The following TMEM132D variants were observed in gnomAD, a reference collection of about 807,000 sequenced individuals.
TMEM132D encodes transmembrane protein 132D, also known as mature OL transmembrane protein.
In TMEM132D, 21 loss-of-function variants were observed where a neutral mutation model predicts 62.3. The ratio of observed to expected loss-of-function variants is 0.34; its 90% CI spans 0.24 to 0.49. The LOEUF (loss-of-function observed/expected upper bound fraction) is 0.49. Among genes scored for constraint, TMEM132D ranks in the 20% least tolerant of loss-of-function variants. TMEM132D has a pLI of 0.99. For synonymous variants in TMEM132D, 621 were observed against 575.6 expected (o/e 1.08, Z -1.13); for missense variants, 1,346 against 1,402.8 (o/e 0.96, Z 0.65).
intron 3 of TMEM132D, among the ~76,000 whole-genome samples, chr12:129,474,788 T>C (rs7966264): frequency 2.0e-3 from 309 of 152,320 alleles, no homozygotes; most frequent in African/African-American, 7.1e-3. Flanking sequence ...TTCTGGTCTC[T>C]GATCATGATG....
At chr12:129,485,346 A>G (rs1388621117) in intron 3 of TMEM132D, among the ~76,000 whole-genome samples, 1 of 152,174 alleles carries the variant, frequency 6.6e-6, no homozygotes, top group East Asian at 1.9e-4. Context: ...CAGCCTGCCC[A>G]TGGATGAGCA....
At chr12:129,199,422 T>G (rs2135560368) in intron 5 of TMEM132D, among the ~76,000 whole-genome samples, 1 of 152,272 alleles carries the variant, frequency 6.6e-6, no homozygotes, top group Middle Eastern at 3.4e-3. Flanking sequence ...ACTTTTAATC[T>G]GCATCAGGAG....
chr12:129,707,166 T>A (rs905722726), intron 1 of TMEM132D, among the ~76,000 whole-genome samples: 1 of 147,976 alleles, frequency 6.8e-6, no homozygotes, highest in Non-Finnish European at 1.5e-5. Context: ...TATATATATA[T>A]AATATATACT....
chr12:129,336,305 C>G (rs545723948), intron 4 of TMEM132D, among the ~76,000 whole-genome samples: 6 of 152,094 alleles, frequency 3.9e-5, no homozygotes, highest in Non-Finnish European at 8.8e-5. Context: ...GGGCTGGGCA[C>G]GGTGGCTCAC....
intron 2 of TMEM132D, among the ~76,000 whole-genome samples, chr12:129,598,863 G>A (rs187934766): frequency 4.6e-5 from 7 of 152,310 alleles, no homozygotes; most frequent in Admixed American, 3.9e-4. Context: ...GGATGAGTGG[G>A]TTGATTCTAT....
At position 129,718,562 on chromosome 12, in the gene TMEM132D, T is replaced by C. The variant is rs78793073; in HGVS notation, c.80-17864A>G. Among the ~76,000 whole-genome samples, 906 of 152,358 alleles carry C rather than the reference T, an allele frequency of 5.9e-3. 15 individuals carry two copies. The highest frequency in any genetic ancestry group is 0.02 in the African/African-American group (845 of 41,584). ...AAATTGGTTTACTTATGAAGGCCTT[T>C]TATGGAGAAAGTGGGGAGAAAAAGG... On this transcript the variant is annotated intron_variant, in intron 1 of 8. Transcript: ENST00000422113.
At chr12:129,886,161 C>A (rs1347828782) in intron 1 of TMEM132D, among the ~76,000 whole-genome samples, 1 of 152,034 alleles carries the variant, frequency 6.6e-6, no homozygotes, top group Non-Finnish European at 1.5e-5. Flanking sequence ...TAATAAATAC[C>A]TTTTAAGATA....
At chr12:129,482,095 G>A (rs1874445413) in intron 3 of TMEM132D, among the ~76,000 whole-genome samples, 1 of 152,226 alleles carries the variant, frequency 6.6e-6, no homozygotes, top group Non-Finnish European at 1.5e-5. Flanking sequence ...GCCAGAAGGA[G>A]GTCCCAGCCA....
chr12:129,314,988 T>G (rs1868437334), intron 4 of TMEM132D, among the ~76,000 whole-genome samples: 1 of 152,216 alleles, frequency 6.6e-6, no homozygotes, highest in African/African-American at 2.4e-5. Flanking sequence ...GTGTGTACAT[T>G]AATCTTGTAT....
chr12:129,560,599 G>T (rs1003509126), intron 2 of TMEM132D, among the ~76,000 whole-genome samples: 1 of 152,280 alleles, frequency 6.6e-6, no homozygotes, highest in Non-Finnish European at 1.5e-5. Context: ...AGATATACAA[G>T]AAGACAAACT....
chr12:129,687,706 G>A (rs560889197), intron 2 of TMEM132D, among the ~76,000 whole-genome samples: 7 of 152,156 alleles, frequency 4.6e-5, no homozygotes, highest in African/African-American at 7.2e-5. Flanking sequence ...GGCACTCCTC[G>A]CTGCAAAACT....
At chr12:129,382,419 TA>T (rs1442199335) in intron 3 of TMEM132D, among the ~76,000 whole-genome samples, 1 of 152,172 alleles carries the variant, frequency 6.6e-6, no homozygotes, top group African/African-American at 2.4e-5. Flanking sequence ...AGCAAAATAA[TA>T]ATTGTTAGTT....
chr12:129,698,047 G>A (rs1037484436), intron 2 of TMEM132D: 4 of 152,104 alleles, frequency 2.6e-5, no homozygotes, highest in African/African-American at 9.7e-5. Context: ...GGTATGAAAC[G>A]GTGTAAGATC....
At chr12:129,329,165 G>A (rs1869020395) in intron 4 of TMEM132D, among the ~76,000 whole-genome samples, 1 of 151,984 alleles carries the variant, frequency 6.6e-6, no homozygotes, top group South Asian at 2.1e-4. Context: ...CCATATATGT[G>A]TAGAAGTTCC....
intron 4 of TMEM132D, among the ~76,000 whole-genome samples, chr12:129,269,241 C>T (rs1342262379): frequency 1.3e-5 from 2 of 152,036 alleles, no homozygotes; most frequent in Non-Finnish European, 2.9e-5. Flanking sequence ...TTACTTGGAT[C>T]TCAGCTTGTA....
intron 2 of TMEM132D, among the ~76,000 whole-genome samples, chr12:129,689,582 T>G (rs1881014852): frequency 6.6e-6 from 1 of 152,212 alleles, no homozygotes; most frequent in Admixed American, 6.5e-5. Flanking sequence ...ACATCTGAAC[T>G]TCAATTCTAC....
intron 3 of TMEM132D, among the ~76,000 whole-genome samples, chr12:129,369,088 A>T (rs1252188999): frequency 6.6e-6 from 1 of 152,142 alleles, no homozygotes; most frequent in Non-Finnish European, 1.5e-5. Flanking sequence ...TTCTTGTCTG[A>T]GATAAACAAA....
chr12:129,658,814 T>C (rs769258190), intron 2 of TMEM132D, among the ~76,000 whole-genome samples: 1 of 152,130 alleles, frequency 6.6e-6, no homozygotes, highest in Non-Finnish European at 1.5e-5. Context: ...TCAAGCCACA[T>C]GGACAGGTAA....
chr12:129,451,840 T>C (rs7487222), intron 3 of TMEM132D, among the ~76,000 whole-genome samples: 100,860 of 151,960 alleles, frequency 0.66, 34,505 homozygotes, highest in Middle Eastern at 0.74. Flanking sequence ...CCACCTGCAC[T>C]TGATTGGCAA....
Sources: allele counts gnomAD v4.1 joint callset (sites outside exome capture counted in the v4.1 genomes callset), GRCh38; gene constraint gnomAD v4.1.1; transcripts MANE v1.5; gene names NCBI Gene and HGNC (gene_info 2026-07-23, HGNC 2026-07-21).